EEF1D: variants seen among roughly 807,000 people sequenced by gnomAD.
EEF1D encodes the protein eukaryotic translation elongation factor 1 delta, also known as elongation factor 1-delta.
In EEF1D, 47 loss-of-function variants were observed where a neutral mutation model predicts 63.9. The ratio of observed to expected loss-of-function variants is 0.74; its 90% CI spans 0.58 to 0.94. EEF1D has a LOEUF of 0.94. Among genes scored for constraint, EEF1D ranks in the 40% least tolerant of loss-of-function variants. The pLI, the probability that EEF1D is intolerant of heterozygous loss-of-function variation, is 0.00. For missense variants in EEF1D, 907 were observed against 899.0 expected, an observed-to-expected ratio of 1.01 and a Z score of -0.11; for synonymous variants, 412 against 386.1, an observed-to-expected ratio of 1.07 and a Z score of -0.79.
chr8:143,584,524 G>A (rs1160443291), intron 5 of EEF1D, among the ~76,000 whole-genome samples: 1 of 152,114 alleles, frequency 6.6e-6, no homozygotes, highest in African/African-American at 2.4e-5. Context: ...CCAGGATCAT[G>A]CCACTGTACT....
chr8:143,589,026 A>G lies in EEF1D; in HGVS notation c.1056T>C (p.Pro352=), dbSNP rs774996976. The change falls in exon 3 of 10, where the codon CCT becomes CCC. Residue 352 remains proline (P), a synonymous_variant. Coordinates refer to ENST00000618139, the MANE Select transcript of EEF1D (RefSeq NM_001130053.5). ...GGCTGGACACGGACAGGCCAGACCG[A>G]GGACCGGGTCGGTGAGACAGGGAGG... ...EAASLSHRPG[P]RSGLSVSSLR... 2 of 1,601,674 alleles carry G rather than the reference A, an allele frequency of 1.2e-6. No homozygotes were observed. Among genetic ancestry groups the G allele is most frequent in the Non-Finnish European group, 1.7e-6 (2 of 1,179,544 alleles).
intron 5 of EEF1D, 116 bp downstream of exon 5, chr8:143,586,103 C>A: frequency 4.6e-6 from 4 of 867,938 alleles, no homozygotes; most frequent in Non-Finnish European, 7.2e-6. Context: ...AGCACAGCGC[C>A]GTGCACCCTG....
At chr8:143,590,609 AAAG>A (rs1827782195) in intron 2 of EEF1D, 8 of 1,027,516 alleles carry the variant, frequency 7.8e-6, no homozygotes, top group Non-Finnish European at 9.3e-6. Context: ...AGTTCTTACA[AAAG>A]AAGGAGCCTC....
chr8:143,590,104 G>A, intron 2 of EEF1D, 23 bp from the exon 3 acceptor site: 3 of 1,598,178 alleles, frequency 1.9e-6, no homozygotes, highest in Non-Finnish European at 2.5e-6. Flanking sequence ...GCGATAAAAA[G>A]CAAGCAGAGG....
At position 143,580,202 on chromosome 8, in the gene EEF1D, T is replaced by C; in HGVS notation, c.1715A>G (p.Asp572Gly). 1 of 1,612,656 alleles carries C rather than the reference T, an allele frequency of 6.2e-7. No individual in the cohort carries two copies. Among genetic ancestry groups the C allele is most frequent in the Non-Finnish European group, 8.5e-7 (1 of 1,179,306 alleles). Residue 572 changes from aspartate to glycine, a missense_variant, in exon 9 of 10, where the codon GAT (aspartate) becomes GGT (glycine). Coordinates refer to ENST00000618139, the MANE Select transcript of EEF1D (RefSeq NM_001130053.5). ...SSILLDVKPW[D>G]DETDMAQLEA... ...CAGCTGGGCCATGTCCGTCTCATCA[T>C]CCCACTGTGGGGAAAGGGGAGGAAA... is the stretch of plus-strand genomic sequence containing the variant.
At chr8:143,582,429 C>G (rs1255693411) in intron 5 of EEF1D, 2 of 152,384 alleles carry the variant, frequency 1.3e-5, no homozygotes, top group Non-Finnish European at 2.9e-5. Context: ...GAAGCCGGAG[C>G]ACGGGAGGGC....
In EEF1D at chr8:143,580,290, CTG is replaced by C. The variant is rs1825181744; in HGVS notation, c.1711-86_1711-85del. The C allele has an allele frequency of 5.8e-5, 81 of 1,408,248 alleles. No individual in the cohort carries two copies. The East Asian group carries it at 1.9e-3, about 33-fold the overall frequency. 87.2% of individuals were successfully genotyped at this position (1,408,248 alleles called of 1,614,324 possible). ...CCTGCATGCACCCTACCCTCAACCACTGTGTGTCCACAATTCTGTTTCCTTAA... is the reference window on the plus strand; with the variant it reads ...CCTGCATGCACCCTACCCTCAACCACTGTGTCCACAATTCTGTTTCCTTAA... On this transcript the variant is annotated intron_variant, in intron 8 of 9. Transcript: ENST00000618139.
rs760177855 is a variant in EEF1D, at chr8:143,580,037, T to A, written c.1880A>T (p.Glu627Val). 1 of 1,613,770 alleles carries A rather than the reference T, an allele frequency of 6.2e-7. No homozygotes were observed. The highest frequency in any genetic ancestry group is 2.2e-5 in the East Asian group (1 of 44,858). The change falls in exon 9 of 10, where the codon GAG becomes GTG. Residue 627 changes from glutamate (E) to valine (V), a missense_variant. Physicochemically the swap from Glu to Val is moderately radical, Grantham distance 121. Transcript: ENST00000618139. Reference sequence around the variant, plus strand: ...GTGCTCCTCAAACTTGGTGATCTCCTCCTCCAGCAAGTCTGTCCCCACCTT... The same window carrying A: ...GTGCTCCTCAAACTTGGTGATCTCCACCTCCAGCAAGTCTGTCCCCACCTT... ...DDKVGTDLLE[E>V]EITKFEEHVQ... is the part of the protein sequence containing the mutation.
At position 143,580,711 on chromosome 8, in the gene EEF1D, C is replaced by T. The variant is rs763068704; in HGVS notation, c.1505G>A (p.Arg502His). The change falls in exon 8 of 10, where the codon CGC becomes CAC. Residue 502 changes from arginine to histidine, a missense_variant. Physicochemically the swap from Arg to His is conservative, Grantham distance 29 (BLOSUM62 0). Transcript: ENST00000618139. ...APQTQHVSPM[R>H]QVEPPAKKPA... ...CTTCTTGGCTGGGGGCTCCACTTGG[C>T]GCATGGGAGATACGTGCTGCCACAG... 2.5e-6 allele frequency: 4 copies of T among 1,613,352 alleles called. No individual in the cohort carries two copies. The highest frequency in any genetic ancestry group is 3.3e-5 in the Admixed American group (2 of 60,034).
chr8:143,592,023 AG>A (rs756511803), intron 2 of EEF1D: 35 of 980,862 alleles, frequency 3.6e-5, no homozygotes, highest in Non-Finnish European at 4.1e-5. Context: ...GGGAGGCCAC[AG>A]GGCCCATGAA....
In EEF1D at chr8:143,581,229, C is replaced by T. The variant is rs1292991211; in HGVS notation, c.1387G>A (p.Val463Met). ...CCAACCCACTGGCCCGGGGCCTCAC[C>T]GCCACGCAGACTCTGGTTCTCCACT... Reference protein sequence around the residue: ...LEVENQSLRGVVQELQQAISK... With the variant: ...LEVENQSLRGMVQELQQAISK... The change falls in exon 6 of 10, where the codon GTG becomes ATG. Residue 463 changes from valine to methionine, a missense_variant and splice_region_variant. Val to Met is a conservative substitution (Grantham distance 21). Coordinates refer to ENST00000618139, the MANE Select transcript of EEF1D (RefSeq NM_001130053.5). 5.0e-6 allele frequency: 8 copies of T among 1,612,656 alleles called. No homozygotes were observed. The highest frequency in any genetic ancestry group is 4.5e-5 in the East Asian group (2 of 44,874).
At chr8:143,596,835 T>G (rs1197198661) in intron 1 of EEF1D, 1 of 152,212 alleles carries the variant, frequency 6.6e-6, no homozygotes, top group African/African-American at 2.4e-5. Context: ...GAGACAGAAA[T>G]TTTGACCCAG....
In EEF1D at chr8:143,589,098, G is replaced by C. The variant is rs780020773; in HGVS notation, c.984C>G (p.Arg328=). ...CCCGCAGGGCCTCGGCAGCGTGGTG[G>C]CGGCACTCGGCGCTGTCGTAGGCAG... The part of the protein sequence containing the change: ...SKPAYDSAEC[R]HHAAEALRVA... The change falls in exon 3 of 10, where the codon CGC becomes CGG. Residue 328 remains arginine, a synonymous_variant. Transcript: ENST00000618139. 84 of 1,609,812 alleles carry C rather than the reference G, an allele frequency of 5.2e-5. No homozygotes were observed. The African/African-American group carries it at 1.0e-3, about 19-fold the overall frequency.
Position 143,581,091 on chromosome 8 carries a change from C to T in EEF1D, c.1451G>A (p.Ser484Asn), listed in dbSNP as rs1370314408. The change falls in exon 7 of 10, where the codon AGC becomes AAC. Residue 484 changes from serine (S) to asparagine (N), a missense_variant. Physicochemically the swap from Ser to Asn is conservative, Grantham distance 46. Transcript: ENST00000618139. ...GGCCGTGGCCCGGTGGCCAGGCGAG[C>T]TCTTCTCCAGCACGTTCAGCCGGGC... ...LEARLNVLEK[S>N]SPGHRATAPQ... 6.2e-7 allele frequency: 1 copy of T among 1,612,630 alleles called. No individual in the cohort carries two copies. Among genetic ancestry groups the T allele is most frequent in the South Asian group, 1.1e-5 (1 of 91,048 alleles).
chr8:143,579,874 G>A, intron 9 of EEF1D, 44 bp from the exon 10 acceptor site: 1 of 1,539,230 alleles, frequency 6.5e-7, no homozygotes, highest in Non-Finnish European at 8.8e-7. Flanking sequence ...TTCCCCTACA[G>A]CCCACTCGGA....
chr8:143,596,971 G>A (rs556095093), intron 1 of EEF1D: 3 of 152,400 alleles, frequency 2.0e-5, no homozygotes, highest in African/African-American at 7.2e-5. Flanking sequence ...AAGACGTGGT[G>A]TACGAAGGTC....
intron 2 of EEF1D, 115 bp from the exon 3 acceptor site, chr8:143,590,196 GCAGGGGCT>G: frequency 6.8e-7 from 1 of 1,477,804 alleles, no homozygotes; most frequent in Non-Finnish European, 9.2e-7. Flanking sequence ...CCCTCCCTGG[GCAGGGGCT>G]GAGGATGCTC....
intron 5 of EEF1D, among the ~76,000 whole-genome samples, chr8:143,584,437 G>A (rs1826160747): frequency 1.3e-5 from 2 of 151,360 alleles, no homozygotes; most frequent in African/African-American, 4.9e-5. Context: ...CTTGGTGGCA[G>A]ACACCTGCAG....
At chr8:143,590,505 G>A in intron 2 of EEF1D, 1 of 1,162,532 alleles carries the variant, frequency 8.6e-7, no homozygotes. Flanking sequence ...GGCCAGGCCT[G>A]GCCACCCCAC....
Sources: allele counts gnomAD v4.1 joint callset (sites outside exome capture counted in the v4.1 genomes callset), GRCh38; gene constraint gnomAD v4.1.1; transcripts MANE v1.5; gene names NCBI Gene and HGNC (gene_info 2026-07-23, HGNC 2026-07-21).